The following ADARB2 variants were observed in gnomAD, a reference collection of about 807,000 sequenced individuals.
The protein encoded by ADARB2 is adenosine deaminase RNA specific B2 (inactive), also known as inactive double-stranded RNA-specific editase B2.
In ADARB2, 25 loss-of-function variants were observed where a neutral mutation model predicts 62.2. The ratio of observed to expected loss-of-function variants is 0.40; its 90% CI spans 0.29 to 0.56. The LOEUF (loss-of-function observed/expected upper bound fraction) is 0.56. Ranked by LOEUF, ADARB2 falls within the 20% of genes least tolerant of loss-of-function variation. The pLI, the probability that ADARB2 is intolerant of heterozygous loss-of-function variation, is 0.43. For synonymous variants in ADARB2, 572 were observed against 500.8 expected, an observed-to-expected ratio of 1.14 and a Z score of -1.90; for missense variants, 1,071 against 1,077.4, an observed-to-expected ratio of 0.99 and a Z score of 0.08.
chr10:1,365,779 C>T (rs1832308984), intron 2 of ADARB2, among the ~76,000 whole-genome samples: 1 of 152,204 alleles, frequency 6.6e-6, no homozygotes, highest in Non-Finnish European at 1.5e-5. Context: ...CTAGAGAAAC[C>T]TTCATACACA....
At chr10:1,582,375 T>C (rs1276706709) in intron 1 of ADARB2, among the ~76,000 whole-genome samples, 1 of 152,204 alleles carries the variant, frequency 6.6e-6, no homozygotes, top group East Asian at 1.9e-4. Context: ...GACCCACAGC[T>C]GGTAGATCCC....
intron 4 of ADARB2, among the ~76,000 whole-genome samples, chr10:1,259,800 G>C (rs11250364): frequency 0.29 from 44,046 of 152,052 alleles, 6,815 homozygotes; most frequent in South Asian, 0.49. Flanking sequence ...ACTCATTTTA[G>C]GAGGCCAGCA....
intron 1 of ADARB2, among the ~76,000 whole-genome samples, chr10:1,584,271 A>T (rs541064048): frequency 6.6e-6 from 1 of 152,336 alleles, no homozygotes; most frequent in South Asian, 2.1e-4. Flanking sequence ...CCAATTAAAA[A>T]ATGCACCTAA....
intron 1 of ADARB2, among the ~76,000 whole-genome samples, chr10:1,732,528 T>C (rs1321549432): frequency 1.3e-5 from 2 of 152,132 alleles, no homozygotes; most frequent in Non-Finnish European, 2.9e-5. Flanking sequence ...GAGGCACTGA[T>C]ACAAAATTTT....
chr10:1,607,199 T>C (rs1271823827), intron 1 of ADARB2, among the ~76,000 whole-genome samples: 1 of 152,208 alleles, frequency 6.6e-6, no homozygotes, highest in Non-Finnish European at 1.5e-5. Context: ...TCCCTAACTC[T>C]GGTGGGCAGA....
At chr10:1,485,633 C>A (rs1831531765) in intron 1 of ADARB2, among the ~76,000 whole-genome samples, 1 of 152,192 alleles carries the variant, frequency 6.6e-6, no homozygotes, top group Non-Finnish European at 1.5e-5. Flanking sequence ...AAGGCTGAAA[C>A]ACTAACTTGT....
chr10:1,205,778 T>C (rs9664050), intron 7 of ADARB2, among the ~76,000 whole-genome samples: 149,025 of 152,358 alleles, frequency 0.98, 72,972 homozygotes, highest in Middle Eastern at 1. Context: ...CAGCGTGTTC[T>C]GCGTGGTGGC....
chr10:1,531,704 T>G (rs1832243023), intron 1 of ADARB2, among the ~76,000 whole-genome samples: 1 of 152,012 alleles, frequency 6.6e-6, no homozygotes, highest in Non-Finnish European at 1.5e-5. Context: ...GGATGTGGTG[T>G]CAAATGCCTG....
chr10:1,558,644 C>G (rs1477549828), intron 1 of ADARB2, among the ~76,000 whole-genome samples: 3 of 133,654 alleles, frequency 2.2e-5, no homozygotes, highest in Admixed American at 7.5e-5. Flanking sequence ...CCTCTGCCCC[C>G]CTCCGTGGGT....
At chr10:1,587,161 A>G (rs772400639) in intron 1 of ADARB2, among the ~76,000 whole-genome samples, 24 of 148,956 alleles carry the variant, frequency 1.6e-4, no homozygotes, top group Non-Finnish European at 2.4e-4. Context: ...GAGTACACAT[A>G]GTTTGAGAGT....
chr10:1,336,971 T>C (rs1158132163), intron 3 of ADARB2, among the ~76,000 whole-genome samples: 1 of 152,084 alleles, frequency 6.6e-6, no homozygotes, highest in Non-Finnish European at 1.5e-5. Context: ...TGAGTCCAGA[T>C]AGCCAAAAAT....
At chr10:1,699,094 G>C (rs570700318) in intron 1 of ADARB2, among the ~76,000 whole-genome samples, 1 of 152,346 alleles carries the variant, frequency 6.6e-6, no homozygotes, top group African/African-American at 2.4e-5. Flanking sequence ...ATTTGGTCAA[G>C]GCTGACACTG....
intron 7 of ADARB2, among the ~76,000 whole-genome samples, chr10:1,213,147 A>G (rs1042685813): frequency 6.6e-6 from 1 of 152,136 alleles, no homozygotes; most frequent in Non-Finnish European, 1.5e-5. Flanking sequence ...AGGGAGAGAC[A>G]GAGACACAGA....
Position 1,706,637 on chromosome 10 carries a change from G to A in ADARB2, c.100+30414C>T, listed in dbSNP as rs148388159. On this transcript the variant is annotated intron_variant, in intron 1 of 9. Coordinates refer to ENST00000381312, the MANE Select transcript of ADARB2 (RefSeq NM_018702.4). Reference sequence around the variant, plus strand: ...CTTTTCAACAAACAGAGGGCCTGGCGCTGGACTAGAATCTGCAGGATGATG... The same window carrying A: ...CTTTTCAACAAACAGAGGGCCTGGCACTGGACTAGAATCTGCAGGATGATG... Among the ~76,000 whole-genome samples the A allele has an allele frequency of 6.2e-4, 95 of 152,308 alleles. 3 individuals are homozygous for A. In the East Asian group the frequency reaches 6.9e-3, roughly 11 times the overall value.
chr10:1,431,638 A>C (rs1325029094), intron 1 of ADARB2, among the ~76,000 whole-genome samples: 2 of 152,212 alleles, frequency 1.3e-5, no homozygotes, highest in East Asian at 3.8e-4. Flanking sequence ...AATTGAAAAC[A>C]AGAAAATAGA....
chr10:1,388,108 A>G (rs893270625), intron 1 of ADARB2, among the ~76,000 whole-genome samples: 1 of 152,092 alleles, frequency 6.6e-6, no homozygotes, highest in African/African-American at 2.4e-5. Context: ...AGAAAGATAC[A>G]CCATTTTCAC....
chr10:1,450,811 A>G, intron 1 of ADARB2, among the ~76,000 whole-genome samples: 1 of 151,682 alleles, frequency 6.6e-6, no homozygotes, highest in East Asian at 1.9e-4. Flanking sequence ...CAGCCTGAAA[A>G]CCCAAGATTT....
At chr10:1,622,206 C>T (rs896632881) in intron 1 of ADARB2, among the ~76,000 whole-genome samples, 7 of 152,150 alleles carry the variant, frequency 4.6e-5, no homozygotes, top group South Asian at 2.1e-4. Context: ...CAATGAACCA[C>T]AGACCTAAAG....
chr10:1,607,333 G>A (rs1833506198), intron 1 of ADARB2, among the ~76,000 whole-genome samples: 3 of 152,146 alleles, frequency 2.0e-5, no homozygotes, highest in Admixed American at 1.3e-4. Flanking sequence ...TGTTAGTAAT[G>A]CTAGGCCATT....
Sources: allele counts gnomAD v4.1 joint callset (sites outside exome capture counted in the v4.1 genomes callset), GRCh38; gene constraint gnomAD v4.1.1; transcripts MANE v1.5; gene names NCBI Gene and HGNC (gene_info 2026-07-23, HGNC 2026-07-21).